The following GALNT13 variants were observed in gnomAD, a reference collection of about 807,000 sequenced individuals.
The protein encoded by GALNT13 is UDP-GalNAc:polypeptide N-acetylgalactosaminyltransferase 13.
A neutral mutation model predicts 64.2 loss-of-function variants in GALNT13; 28 were observed. The observed-to-expected ratio is 0.44, with a 90% CI of 0.32 to 0.60. The LOEUF is 0.60. GALNT13 is among the 20% of genes least tolerant of loss of function. GALNT13 has a pLI of 0.05. For missense variants in GALNT13, 577 were observed against 669.8 expected (o/e 0.86, Z 1.53); for synonymous variants, 214 against 224.6 (o/e 0.95, Z 0.42).
At chr2:153,939,180 C>T (rs995603306) in intron 2 of GALNT13, among the ~76,000 whole-genome samples, 5 of 151,966 alleles carry the variant, frequency 3.3e-5, no homozygotes, top group African/African-American at 7.3e-5. Context: ...TAGGAAAGCT[C>T]GTGGTGATGT....
At chr2:153,632,611 T>C in the GALNT13 span, among the ~76,000 whole-genome samples, 1 of 152,204 alleles carries the variant, frequency 6.6e-6, no homozygotes, top group African/African-American at 2.4e-5. Flanking sequence ...ACCTTTTTTA[T>C]AAAATAAAAC....
the GALNT13 span, among the ~76,000 whole-genome samples, chr2:153,565,969 T>A: frequency 6.6e-6 from 1 of 152,134 alleles, no homozygotes; most frequent in African/African-American, 2.4e-5. Flanking sequence ...ATAAATACAA[T>A]CTCATGTGTT....
the GALNT13 span, among the ~76,000 whole-genome samples, chr2:153,227,906 T>A: frequency 1.3e-5 from 2 of 152,254 alleles, no homozygotes; most frequent in Non-Finnish European, 2.9e-5. Flanking sequence ...AAATTTAAAA[T>A]GTTTTGTGTC....
chr2:154,396,203 T>G, intron 10 of GALNT13, 73 bp downstream of exon 10: 1 of 970,508 alleles, frequency 1.0e-6, no homozygotes, highest in Non-Finnish European at 1.4e-6. Flanking sequence ...AGCTCAGTAT[T>G]TTTTATGTTA....
the GALNT13 span, among the ~76,000 whole-genome samples, chr2:153,149,683 T>C: frequency 6.6e-6 from 1 of 151,842 alleles, no homozygotes; most frequent in South Asian, 2.1e-4. Flanking sequence ...ACTCAGATTT[T>C]AGGGTGTATT....
In GALNT13 at chr2:153,872,181, G is replaced by GC. The variant is rs1461714579; in HGVS notation, c.-298dup. ...GCGGGCCGGCGCGGGTTCCAGGTGA[G>GC]CGCGGACTCGGCGAGCCCCGCACTC... On this transcript the variant is annotated 5_prime_UTR_variant, in exon 1 of 13. Transcript: ENST00000392825. 1 of 150,950 alleles carries GC rather than the reference G, an allele frequency of 6.6e-6. No homozygotes were observed. Among genetic ancestry groups the GC allele is most frequent in the Non-Finnish European group, 1.5e-5 (1 of 67,800 alleles). The allele number at this position is 150,950 out of a possible 1,614,324, so 9.4% of individuals were successfully genotyped here.
Position 153,904,439 on chromosome 2 carries a change from C to T in GALNT13, c.-105+3432C>T, listed in dbSNP as rs1688428572. Reference sequence around the variant, plus strand: ...CAAAGTAACTATACTAATTTCACTTCATTCATTAGTGTGTAAGAGTTTCCA... The same window carrying T: ...CAAAGTAACTATACTAATTTCACTTTATTCATTAGTGTGTAAGAGTTTCCA... On this transcript the variant is annotated intron_variant, in intron 2 of 12. Transcript: ENST00000392825. 2.0e-5 allele frequency among the ~76,000 whole-genome samples: 3 copies of T among 151,854 alleles called. No homozygotes were observed. In the South Asian group the frequency reaches 6.2e-4, roughly 31 times the overall value.
chr2:153,942,792 T>C (rs1691429491), intron 2 of GALNT13, among the ~76,000 whole-genome samples: 1 of 152,182 alleles, frequency 6.6e-6, no homozygotes, highest in Non-Finnish European at 1.5e-5. Context: ...TGGCGCTTTA[T>C]GTGAATTTTG....
At chr2:153,790,111 C>T in the GALNT13 span, among the ~76,000 whole-genome samples, 1 of 152,176 alleles carries the variant, frequency 6.6e-6, no homozygotes, top group African/African-American at 2.4e-5. Context: ...GATACCAAAC[C>T]CTGGCAGAGA....
intron 4 of GALNT13, among the ~76,000 whole-genome samples, chr2:154,217,370 A>G (rs1278468202): frequency 6.6e-6 from 1 of 152,184 alleles, no homozygotes; most frequent in African/African-American, 2.4e-5. Context: ...CCATTCATTT[A>G]GAAACCTGCC....
chr2:153,415,672 T>G, the GALNT13 span, among the ~76,000 whole-genome samples: 2 of 152,082 alleles, frequency 1.3e-5, no homozygotes, highest in Non-Finnish European at 2.9e-5. Flanking sequence ...AAGCAAGAAG[T>G]GAAATAATAT....
chr2:153,538,566 A>G, the GALNT13 span, among the ~76,000 whole-genome samples: 1 of 65,780 alleles, frequency 1.5e-5, no homozygotes, highest in Non-Finnish European at 2.8e-5. Flanking sequence ...AACAGTCCCC[A>G]GAGTGTGATA....
rs558127847 is a variant in GALNT13 at position 154,319,579 on chromosome 2, C to T, written c.1156+17990C>T. On this transcript the variant is annotated intron_variant, in intron 9 of 12. Transcript: ENST00000392825. ...ACTTGGGAAGCTGAGGCAGGAGAAT[C>T]GCTTGAACCCAGGAGGCAGAAGTCG... is the stretch of plus-strand genomic sequence containing the variant. Among the ~76,000 whole-genome samples the T allele has an allele frequency of 9.2e-5, 14 of 151,540 alleles. No individual in the cohort carries two copies. The East Asian group carries it at 2.3e-3, about 25-fold the overall frequency.
intron 4 of GALNT13, among the ~76,000 whole-genome samples, chr2:154,158,555 C>T (rs1483366005): frequency 6.6e-6 from 1 of 152,074 alleles, no homozygotes; most frequent in Non-Finnish European, 1.5e-5. Context: ...ACATAATAGT[C>T]ACAGTGTGCC....
chr2:154,230,572 T>C (rs1688863139), intron 4 of GALNT13, among the ~76,000 whole-genome samples: 1 of 152,140 alleles, frequency 6.6e-6, no homozygotes. Flanking sequence ...CATTTTTACG[T>C]GCTAGATAAA....
At chr2:153,450,803 T>C in the GALNT13 span, among the ~76,000 whole-genome samples, 4 of 152,188 alleles carry the variant, frequency 2.6e-5, no homozygotes, top group South Asian at 2.1e-4. Context: ...AAAGAAACTT[T>C]GATGGGCTTT....
chr2:153,671,635 T>A, the GALNT13 span, among the ~76,000 whole-genome samples: 1 of 152,158 alleles, frequency 6.6e-6, no homozygotes, highest in East Asian at 1.9e-4. Context: ...ATGAAGAAAC[T>A]GCATCAATTA....
At chr2:153,211,363 G>A in the GALNT13 span, among the ~76,000 whole-genome samples, 2 of 152,046 alleles carry the variant, frequency 1.3e-5, no homozygotes, top group South Asian at 2.1e-4. Context: ...GGATAGTCTC[G>A]AGCTCCTGCA....
At chr2:153,781,694 G>C in the GALNT13 span, among the ~76,000 whole-genome samples, 1 of 151,318 alleles carries the variant, frequency 6.6e-6, no homozygotes, top group African/African-American at 2.4e-5. Context: ...ACTTGTCTTT[G>C]AGTTTAAAAA....
Sources: gnomAD v4.1 joint callset for allele counts (sites outside exome capture counted in the v4.1 genomes callset) on GRCh38, gnomAD v4.1.1 for gene constraint, MANE v1.5 for transcripts, NCBI Gene and HGNC (gene_info 2026-07-23, HGNC 2026-07-21) for gene names.